The following PTGES3 variants were observed in gnomAD, a reference collection of about 807,000 sequenced individuals.
PTGES3 encodes the protein prostaglandin E synthase 3, also known as Hsp90 co-chaperone.
A neutral mutation model predicts 29.9 loss-of-function variants in PTGES3; 5 were observed. That is an observed-to-expected ratio of 0.17 (90% CI 0.09 to 0.35). The LOEUF (loss-of-function observed/expected upper bound fraction) is 0.35. Ranked by LOEUF, PTGES3 falls within the 10% of genes least tolerant of loss-of-function variation. PTGES3 has a pLI of 1.00. For synonymous variants in PTGES3, 49 were observed against 57.8 expected (o/e 0.85, Z 0.69); for missense variants, 128 against 190.0 (o/e 0.67, Z 1.92).
intron 3 of PTGES3, 86 bp from the exon 4 acceptor site, chr12:56,671,933 T>C (rs1952020970): frequency 1.3e-6 from 1 of 755,186 alleles, no homozygotes; most frequent in South Asian, 3.8e-5. Context: ...ACCTTTCTCA[T>C]TTCTTTACCT....
chr12:56,683,826 G>T lies in PTGES3; in HGVS notation c.2+4172C>A, dbSNP rs1215366083. Reference sequence around the variant, plus strand: ...TACAAAAAATTAGCCGGGCGAGGTGGCGGGTGCCTGTAGTCCCAGCTACTC... The same window carrying T: ...TACAAAAAATTAGCCGGGCGAGGTGTCGGGTGCCTGTAGTCCCAGCTACTC... On this transcript the variant is annotated intron_variant, in intron 1 of 7. Coordinates refer to ENST00000262033, the MANE Select transcript of PTGES3 (RefSeq NM_006601.7). Among the ~76,000 whole-genome samples the T allele has an allele frequency of 5.3e-5, 8 of 150,834 alleles. No homozygotes were observed. In the South Asian group the frequency reaches 1.7e-3, roughly 32 times the overall value.
intron 4 of PTGES3, chr12:56,670,568 T>C (rs1294804718): frequency 3.8e-6 from 2 of 526,758 alleles, no homozygotes; most frequent in Admixed American, 6.3e-5. Flanking sequence ...AGGGTCTTGT[T>C]TACCCTCTTC....
rs201765287 is a variant in PTGES3 at position 56,670,326 on chromosome 12, G to A, written c.324C>T (p.Asp108=). The A allele has an allele frequency of 1.1e-5, 18 of 1,613,496 alleles. No individual in the cohort carries two copies. In the African/African-American group the frequency reaches 2.4e-4, roughly 22 times the overall value. Residue 108 remains aspartate (D), a synonymous_variant, in exon 5 of 8, where the codon GAC becomes GAT. Coordinates refer to ENST00000262033, the MANE Select transcript of PTGES3 (RefSeq NM_006601.7). ...WLSVDFNNWK[D]WEDDSDEDMS... is the part of the protein sequence containing the mutation. ...TGTCTTCATCTGAATCATCTTCCCA[G>A]TCTTTCCAATTATTGAAGTCGACAC...
rs750420579 is a variant in PTGES3 at position 56,664,818 on chromosome 12, A to C, written c.439-18T>G. ...TGTGAATCCTGAAAGAGGGAAAATA[A>C]AGTTACCGAGCTGATCAAATATTCG... On this transcript the variant is annotated intron_variant, in intron 6 of 7. Coordinates refer to ENST00000262033, the MANE Select transcript of PTGES3 (RefSeq NM_006601.7). The C allele has an allele frequency of 1.3e-6, 2 of 1,598,246 alleles. No homozygotes were observed. The highest frequency in any genetic ancestry group is 4.5e-5 in the East Asian group (2 of 44,680).
chr12:56,677,537 AAAAT>A (rs774450646), intron 1 of PTGES3, among the ~76,000 whole-genome samples: 25 of 152,202 alleles, frequency 1.6e-4, no homozygotes, highest in Non-Finnish European at 3.2e-4. Context: ...ATTGGAAAGA[AAAAT>A]ATATATAGTT....
chr12:56,671,289 T>C (rs1025145147), intron 4 of PTGES3, among the ~76,000 whole-genome samples: 3 of 152,080 alleles, frequency 2.0e-5, no homozygotes, highest in African/African-American at 4.8e-5. Context: ...TCCCAGCTAC[T>C]TGGGGGACTG....
At chr12:56,674,753 G>C (rs1274498728) in intron 1 of PTGES3, among the ~76,000 whole-genome samples, 2 of 145,380 alleles carry the variant, frequency 1.4e-5, no homozygotes, top group African/African-American at 5.1e-5. Context: ...ATGAACCCAG[G>C]AGGCGGAGCT....
At chr12:56,676,446 T>TA (rs1208614599) in intron 1 of PTGES3, among the ~76,000 whole-genome samples, 1 of 152,146 alleles carries the variant, frequency 6.6e-6, no homozygotes, top group African/African-American at 2.4e-5. Flanking sequence ...CCTGAGAGTC[T>TA]AAAATTTGTT....
intron 1 of PTGES3, among the ~76,000 whole-genome samples, chr12:56,679,342 G>A (rs1168300661): frequency 1.3e-5 from 2 of 148,720 alleles, no homozygotes; most frequent in Non-Finnish European, 3.0e-5. Flanking sequence ...AGGAGGCGGA[G>A]GCTACAGTGA....
intron 1 of PTGES3, among the ~76,000 whole-genome samples, chr12:56,681,686 TA>T (rs529028476): frequency 2.8e-4 from 41 of 143,944 alleles, no homozygotes; most frequent in Non-Finnish European, 2.6e-4. Context: ...CATCTCTACT[TA>T]AAAAAAAAAA....
intron 1 of PTGES3, among the ~76,000 whole-genome samples, chr12:56,680,110 C>T (rs553978634): frequency 6.3e-5 from 9 of 143,750 alleles, no homozygotes; most frequent in South Asian, 2.1e-4. Flanking sequence ...GTCTTGCTGT[C>T]GCCCAGGCTG....
intron 5 of PTGES3, among the ~76,000 whole-genome samples, chr12:56,668,084 G>C (rs1467878608): frequency 6.6e-6 from 1 of 152,090 alleles, no homozygotes; most frequent in East Asian, 1.9e-4. Context: ...CTACATCCTG[G>C]GCAACAAGAG....
At chr12:56,664,619 G>C in intron 7 of PTGES3, 121 bp from the exon 8 acceptor site, 1 of 1,374,126 alleles carries the variant, frequency 7.3e-7, no homozygotes, top group Non-Finnish European at 1.0e-6. Flanking sequence ...TTAATAGGTT[G>C]TCTTGCTATC....
intron 1 of PTGES3, among the ~76,000 whole-genome samples, chr12:56,682,101 C>T (rs2137705594): frequency 6.6e-6 from 1 of 152,146 alleles, no homozygotes; most frequent in African/African-American, 2.4e-5. Context: ...CCCGCCTTGG[C>T]CTCCAAAAGT....
intron 3 of PTGES3, 106 bp downstream of exon 3, chr12:56,672,634 C>A: frequency 1.6e-6 from 2 of 1,249,028 alleles, no homozygotes; most frequent in Non-Finnish European, 2.1e-6. Flanking sequence ...ACATAGTTTG[C>A]CTCACTGTTA....
At chr12:56,666,635 C>CTT (rs201297659) in intron 5 of PTGES3, among the ~76,000 whole-genome samples, 2 of 148,944 alleles carry the variant, frequency 1.3e-5, no homozygotes, top group African/African-American at 4.9e-5. Context: ...TTAAGGTATT[C>CTT]TTTTTTTTTT....
At chr12:56,671,664 C>T in intron 4 of PTGES3, 85 bp downstream of exon 4, 1 of 800,030 alleles carries the variant, frequency 1.2e-6, no homozygotes, top group South Asian at 2.4e-5. Context: ...AAAAACACAG[C>T]CATATTCCTT....
rs1341291539 is a variant in PTGES3 at position 56,688,148 on chromosome 12, G to C, written c.-149C>G. 4 of 1,369,694 alleles carry C rather than the reference G, an allele frequency of 2.9e-6. No individual in the cohort carries two copies. The highest frequency in any genetic ancestry group is 3.4e-5 in the Admixed American group (1 of 29,726). 84.8% of individuals were successfully genotyped at this position (1,369,694 alleles called of 1,614,324 possible). On this transcript the variant is annotated 5_prime_UTR_variant, in exon 1 of 8. Transcript: ENST00000262033. ...GCTTCCCTCAGGCGACGGCGGCAGC[G>C]GCGGGCTCGACCTCGGGCCCCAGAA...
chr12:56,687,781 C>A, intron 1 of PTGES3: 1 of 1,385,880 alleles, frequency 7.2e-7, no homozygotes. Flanking sequence ...ATGGGGAAGC[C>A]AAGGAACGGT....
Sources: gnomAD v4.1 joint callset for allele counts (sites outside exome capture counted in the v4.1 genomes callset) on GRCh38, gnomAD v4.1.1 for gene constraint, MANE v1.5 for transcripts, NCBI Gene and HGNC (gene_info 2026-07-23, HGNC 2026-07-21) for gene names.